TENM3: variants seen among roughly 807,000 people sequenced by gnomAD.
TENM3 encodes the protein teneurin-3.
Under a neutral mutation model 255.1 loss-of-function variants are expected in TENM3, and 63 were observed. The ratio of observed to expected loss-of-function variants is 0.25; its 90% CI spans 0.20 to 0.30. The LOEUF (loss-of-function observed/expected upper bound fraction) is 0.30. Ranked by LOEUF, TENM3 falls within the 10% of genes least tolerant of loss-of-function variation. The pLI, the probability that TENM3 is intolerant of heterozygous loss-of-function variation, is 1.00. For missense variants in TENM3, 2,929 were observed against 3,461.1 expected (o/e 0.85, Z 3.86); for synonymous variants, 1,306 against 1,322.3 (o/e 0.99, Z 0.27).
chr4:182,478,663 T>A (rs975976345), intron 3 of TENM3, among the ~76,000 whole-genome samples: 2 of 151,988 alleles, frequency 1.3e-5, no homozygotes, highest in Non-Finnish European at 2.9e-5. Context: ...TTTTTTAGGC[T>A]TTTGTACTAT....
At chr4:182,572,913 G>T (rs1156782434) in intron 3 of TENM3, among the ~76,000 whole-genome samples, 1 of 152,140 alleles carries the variant, frequency 6.6e-6, no homozygotes, top group Non-Finnish European at 1.5e-5. Flanking sequence ...TGGCAGTTGG[G>T]GAGTAGGAGA....
chr4:182,344,421 G>A (rs1764670264), intron 2 of TENM3, among the ~76,000 whole-genome samples: 1 of 152,054 alleles, frequency 6.6e-6, no homozygotes, highest in South Asian at 2.1e-4. Context: ...AGTATTTATG[G>A]AGTTTGGGAT....
intron 3 of TENM3, among the ~76,000 whole-genome samples, chr4:182,437,201 G>A (rs1186839432): frequency 1.3e-5 from 2 of 152,160 alleles, no homozygotes; most frequent in Non-Finnish European, 2.9e-5. Context: ...GCATTAAGAA[G>A]TTAACATTTG....
At chr4:182,531,502 T>C (rs950083409) in intron 3 of TENM3, among the ~76,000 whole-genome samples, 1 of 152,166 alleles carries the variant, frequency 6.6e-6, no homozygotes, top group Non-Finnish European at 1.5e-5. Flanking sequence ...CCAGGCTAGA[T>C]GATTTGCTGG....
intron 3 of TENM3, among the ~76,000 whole-genome samples, chr4:182,567,903 G>C (rs1387118569): frequency 6.7e-6 from 1 of 148,826 alleles, no homozygotes; most frequent in African/African-American, 2.5e-5. Context: ...CTCATGCCTA[G>C]AACAGTGCCT....
chr4:182,714,303 G>A (rs368327122), intron 13 of TENM3, 70 bp downstream of exon 13: 32 of 224,812 alleles, frequency 1.4e-4, no homozygotes, highest in Middle Eastern at 1.6e-3. Context: ...TGAGTACATA[G>A]ATATCTGTTG....
intron 2 of TENM3, among the ~76,000 whole-genome samples, chr4:182,331,358 C>T (rs1442997088): frequency 6.6e-6 from 1 of 152,006 alleles, no homozygotes; most frequent in Non-Finnish European, 1.5e-5. Flanking sequence ...CCAGCCTGGC[C>T]AACATGCAGA....
intron 2 of TENM3, among the ~76,000 whole-genome samples, chr4:182,336,097 G>A (rs904215161): frequency 3.3e-5 from 5 of 152,172 alleles, no homozygotes; most frequent in Non-Finnish European, 7.3e-5. Context: ...GCTACTGTAG[G>A]CGGGATCTTC....
chr4:181,874,831 C>A, the TENM3 span, among the ~76,000 whole-genome samples: 33 of 152,226 alleles, frequency 2.2e-4, no homozygotes, highest in African/African-American at 8.0e-4. Context: ...TTGGGCTCTG[C>A]TTCTTTGCAT....
chr4:181,626,881 A>T, the TENM3 span, among the ~76,000 whole-genome samples: 1 of 152,212 alleles, frequency 6.6e-6, no homozygotes, highest in Admixed American at 6.5e-5. Flanking sequence ...AAAATAGATA[A>T]TTGGACCAGG....
the TENM3 span, among the ~76,000 whole-genome samples, chr4:181,907,744 C>T: frequency 9.9e-5 from 15 of 152,210 alleles, no homozygotes; most frequent in East Asian, 1.9e-4. Flanking sequence ...GGGCAGCCAA[C>T]GCAGGAATCA....
chr4:181,709,696 A>G, the TENM3 span, among the ~76,000 whole-genome samples: 1 of 152,252 alleles, frequency 6.6e-6, no homozygotes, highest in Non-Finnish European at 1.5e-5. Context: ...ACAGATGTGG[A>G]TCATAGGAGG....
chr4:181,619,101 C>G, the TENM3 span, among the ~76,000 whole-genome samples: 3 of 152,092 alleles, frequency 2.0e-5, no homozygotes, highest in African/African-American at 7.2e-5. Context: ...AGTAGGGATG[C>G]GCATTACCCA....
intron 1 of TENM3, among the ~76,000 whole-genome samples, chr4:182,214,111 G>A (rs1383183301): frequency 2.0e-5 from 3 of 151,918 alleles, no homozygotes; most frequent in Non-Finnish European, 4.4e-5. Flanking sequence ...CAGAAATGCA[G>A]CTTTTCTTAA....
intron 3 of TENM3, among the ~76,000 whole-genome samples, chr4:182,518,424 T>TC (rs1738223504): frequency 6.6e-6 from 1 of 152,044 alleles, no homozygotes; most frequent in South Asian, 2.1e-4. Flanking sequence ...TCTGCATTCA[T>TC]CTAGTGGGAG....
At chr4:182,497,054 T>TAA (rs1057278905) in intron 3 of TENM3, among the ~76,000 whole-genome samples, 23 of 151,570 alleles carry the variant, frequency 1.5e-4, no homozygotes, top group African/African-American at 5.6e-4. Context: ...GCCATCCACT[T>TAA]ACAGCTTTTT....
intron 3 of TENM3, among the ~76,000 whole-genome samples, chr4:182,491,453 TA>T (rs1208113216): frequency 6.6e-6 from 1 of 152,124 alleles, no homozygotes; most frequent in Non-Finnish European, 1.5e-5. Context: ...TCACTAGCCA[TA>T]AATGTTTTTG....
At chr4:182,227,663 A>C in intron 1 of TENM3, among the ~76,000 whole-genome samples, 1 of 144,248 alleles carries the variant, frequency 6.9e-6, no homozygotes, top group African/African-American at 2.6e-5. Flanking sequence ...TTCCTTTTCA[A>C]CCTTGTTGTC....
chr4:182,364,904 T>A (rs1766320336), intron 3 of TENM3, among the ~76,000 whole-genome samples: 1 of 152,244 alleles, frequency 6.6e-6, no homozygotes, highest in Admixed American at 6.5e-5. Flanking sequence ...TTGCCTCTAA[T>A]TCTGTTATTA....
Sources: gnomAD v4.1 joint callset for allele counts (sites outside exome capture counted in the v4.1 genomes callset) on GRCh38, gnomAD v4.1.1 for gene constraint, MANE v1.5 for transcripts, NCBI Gene and HGNC (gene_info 2026-07-23, HGNC 2026-07-21) for gene names.